AKAP7: variants seen among roughly 807,000 people sequenced by gnomAD.
The protein encoded by AKAP7 is A-kinase anchoring protein 7, also known as A kinase (PRKA) anchor protein 7.
AKAP7 carries 39 observed loss-of-function variants against 39.5 expected under a neutral mutation model. The ratio of observed to expected loss-of-function variants is 0.99; its 90% CI spans 0.76 to 1.29. The LOEUF (loss-of-function observed/expected upper bound fraction) is 1.29. Among genes scored for constraint, AKAP7 ranks in the 50% most tolerant of loss-of-function variants. The pLI, the probability that AKAP7 is intolerant of heterozygous loss-of-function variation, is 0.00. For missense variants in AKAP7, 414 were observed against 407.7 expected (o/e 1.02, Z -0.13); for synonymous variants, 140 against 139.1 (o/e 1.01, Z -0.05).
intron 6 of AKAP7, 41 bp from the exon 7 acceptor site, chr6:131,219,620 G>T: frequency 3.2e-6 from 5 of 1,552,644 alleles, no homozygotes; most frequent in South Asian, 1.2e-5. Flanking sequence ...TGGCTGCATG[G>T]GTGAAATGAT....
chr6:131,244,486 T>C (rs981036630), intron 7 of AKAP7, among the ~76,000 whole-genome samples: 1 of 152,222 alleles, frequency 6.6e-6, no homozygotes, highest in African/African-American at 2.4e-5. Context: ...TCTTTCAGCC[T>C]CCTACATCCA....
intron 6 of AKAP7, among the ~76,000 whole-genome samples, chr6:131,210,783 C>T (rs1194670860): frequency 6.6e-6 from 1 of 152,152 alleles, no homozygotes; most frequent in East Asian, 1.9e-4. Context: ...CTTGTGACTC[C>T]CTGTAGTGAT....
chr6:131,173,222 AAG>A (rs1193995770), intron 5 of AKAP7, among the ~76,000 whole-genome samples: 1 of 151,876 alleles, frequency 6.6e-6, no homozygotes, highest in South Asian at 2.1e-4. Flanking sequence ...AAAAAGAAAA[AAG>A]AAAAAATTCT....
intron 5 of AKAP7, among the ~76,000 whole-genome samples, chr6:131,194,147 T>G (rs1806685864): frequency 6.6e-6 from 1 of 151,626 alleles, no homozygotes; most frequent in East Asian, 2.0e-4. Flanking sequence ...TTAAAAGTTT[T>G]GCTTTTTTTT....
At chr6:131,135,227 C>A (rs1192495230), upstream of AKAP7, among the ~76,000 whole-genome samples, 1 of 152,232 alleles carries the variant, frequency 6.6e-6, no homozygotes, top group Non-Finnish European at 1.5e-5. Flanking sequence ...CCCAATCTCG[C>A]CCTTGAAAGC....
At chr6:131,240,268 G>T (rs968061239) in intron 7 of AKAP7, among the ~76,000 whole-genome samples, 1 of 152,222 alleles carries the variant, frequency 6.6e-6, no homozygotes, top group Non-Finnish European at 1.5e-5. Context: ...TCCTCTGGAA[G>T]TTTTGTCTCA....
chr6:131,206,012 G>T (rs1808061911), intron 6 of AKAP7, among the ~76,000 whole-genome samples: 1 of 152,164 alleles, frequency 6.6e-6, no homozygotes, highest in Non-Finnish European at 1.5e-5. Flanking sequence ...ATGAACTTGG[G>T]TTTCAGTGAT....
chr6:131,250,363 G>C, intron 7 of AKAP7: 1 of 1,398,984 alleles, frequency 7.1e-7, no homozygotes, highest in Non-Finnish European at 9.3e-7. Context: ...TGGAGGACTG[G>C]AGGTGGAGCC....
intron 7 of AKAP7, among the ~76,000 whole-genome samples, chr6:131,254,143 C>CAGTA (rs1200674299): frequency 6.6e-6 from 1 of 152,168 alleles, no homozygotes; most frequent in African/African-American, 2.4e-5. Context: ...TTTTTCACCA[C>CAGTA]AGTAAGTAGA....
intron 2 of AKAP7, among the ~76,000 whole-genome samples, chr6:131,153,336 T>C (rs913408106): frequency 1.1e-4 from 16 of 152,142 alleles, no homozygotes; most frequent in Non-Finnish European, 1.5e-4. Context: ...AAAAGAAAAT[T>C]TTAGATTATC....
the AKAP7 span, among the ~76,000 whole-genome samples, chr6:131,126,241 G>A: frequency 6.6e-6 from 1 of 152,182 alleles, no homozygotes; most frequent in African/African-American, 2.4e-5. Flanking sequence ...TATGCTGGCT[G>A]TCTTTTCTTT....
intron 6 of AKAP7, among the ~76,000 whole-genome samples, chr6:131,213,959 T>G (rs1024863618): frequency 6.6e-6 from 1 of 152,298 alleles, no homozygotes. Context: ...AACATGGCCT[T>G]AGTCAGTATA....
intron 5 of AKAP7, among the ~76,000 whole-genome samples, chr6:131,178,282 C>T (rs1308568489): frequency 6.6e-6 from 1 of 152,172 alleles, no homozygotes; most frequent in Non-Finnish European, 1.5e-5. Flanking sequence ...ACCTCCCAAT[C>T]CTTCAGTTTC....
At chr6:131,170,720 TTAAGA>T (rs1304725956) in intron 5 of AKAP7, among the ~76,000 whole-genome samples, 4 of 152,260 alleles carry the variant, frequency 2.6e-5, no homozygotes, top group African/African-American at 9.6e-5. Flanking sequence ...TTTTGTGTTC[TTAAGA>T]TATTTGTGAT....
chr6:131,269,031 GT>G (rs1167335365), intron 7 of AKAP7, among the ~76,000 whole-genome samples: 1 of 152,128 alleles, frequency 6.6e-6, no homozygotes, highest in African/African-American at 2.4e-5. Context: ...TGACACTCCT[GT>G]GGACCAGGAA....
At chr6:131,164,958 A>G (rs1803338694) in intron 3 of AKAP7, 123 bp from the exon 4 acceptor site, 1 of 728,572 alleles carries the variant, frequency 1.4e-6, no homozygotes, top group African/African-American at 1.8e-5. Flanking sequence ...TGGTTGAAGA[A>G]TCTTAACATT....
Position 131,282,481 on chromosome 6 carries a change from G to A in AKAP7, c.*755G>A, listed in dbSNP as rs1272746303. The A allele has an allele frequency of 1.3e-6, 2 of 1,535,662 alleles. No individual in the cohort carries two copies. The highest frequency in any genetic ancestry group is 1.7e-6 in the Non-Finnish European group (2 of 1,146,754). ...TGGGTCTGAAGTCCAAAGTGAAACA[G>A]ATAAAGGAACTTTTATTAAAGCCTG... is the stretch of plus-strand genomic sequence containing the variant. On this transcript the variant is annotated 3_prime_UTR_variant, in exon 8 of 8. Transcript: ENST00000431975.
chr6:131,247,737 T>C (rs1459657477), intron 7 of AKAP7, among the ~76,000 whole-genome samples: 1 of 151,744 alleles, frequency 6.6e-6, no homozygotes, highest in Non-Finnish European at 1.5e-5. Context: ...CAAGCAATCC[T>C]CCTGCTTCAG....
intron 6 of AKAP7, among the ~76,000 whole-genome samples, chr6:131,215,650 G>T (rs1389925803): frequency 6.6e-6 from 1 of 152,140 alleles, no homozygotes; most frequent in Non-Finnish European, 1.5e-5. Flanking sequence ...ATTTGCCAGG[G>T]ATAAGCCCCA....
Sources: allele counts gnomAD v4.1 joint callset (sites outside exome capture counted in the v4.1 genomes callset), GRCh38; gene constraint gnomAD v4.1.1; transcripts MANE v1.5; gene names NCBI Gene and HGNC (gene_info 2026-07-23, HGNC 2026-07-21).